The following ARHGAP28 variants were observed in gnomAD, a reference collection of about 807,000 sequenced individuals.
ARHGAP28 encodes the protein rho GTPase-activating protein 28.
A neutral mutation model predicts 90.7 loss-of-function variants in ARHGAP28; 56 were observed. The ratio of observed to expected loss-of-function variants is 0.62; its 90% CI spans 0.50 to 0.77. The LOEUF is 0.77. Ranked by LOEUF, ARHGAP28 falls within the 30% of genes least tolerant of loss-of-function variation. The pLI is 0.00. For missense variants in ARHGAP28, 869 were observed against 900.9 expected (o/e 0.96, Z 0.45); for synonymous variants, 308 against 323.3 (o/e 0.95, Z 0.51).
chr18:6,776,044 T>C (rs541415619), intron 1 of ARHGAP28, among the ~76,000 whole-genome samples: 52 of 152,304 alleles, frequency 3.4e-4, no homozygotes, highest in Middle Eastern at 3.4e-3. Context: ...TAGGAACTTT[T>C]ACAGATAAAG....
chr18:6,841,182 T>TCTCTCTCTCTCTCTCTC (rs2056815402), intron 3 of ARHGAP28, among the ~76,000 whole-genome samples: 1 of 44,234 alleles, frequency 2.3e-5, no homozygotes, highest in African/African-American at 1.5e-4. Context: ...CTCTCTCTCC[T>TCTCTCTCTCTCTCTCTC]CTCTCTCTCT....
intron 4 of ARHGAP28, among the ~76,000 whole-genome samples, chr18:6,853,950 C>T (rs1160284432): frequency 6.6e-6 from 1 of 152,138 alleles, no homozygotes; most frequent in African/African-American, 2.4e-5. Flanking sequence ...GTCAGGACAC[C>T]CTGAGACGGT....
intron 17 of ARHGAP28, among the ~76,000 whole-genome samples, chr18:6,910,122 T>C (rs1011424683): frequency 1.3e-5 from 2 of 152,190 alleles, no homozygotes; most frequent in African/African-American, 2.4e-5. Context: ...CCTCTTGTCA[T>C]GGTCACCAGA....
At chr18:6,871,914 A>G (rs2057092975) in intron 7 of ARHGAP28, among the ~76,000 whole-genome samples, 1 of 152,156 alleles carries the variant, frequency 6.6e-6, no homozygotes, top group Admixed American at 6.5e-5. Context: ...GATTACGTCC[A>G]TTTTACAGCT....
chr18:6,858,471 T>C (rs536420083), intron 4 of ARHGAP28, among the ~76,000 whole-genome samples: 49 of 152,324 alleles, frequency 3.2e-4, no homozygotes, highest in African/African-American at 1.0e-3. Context: ...AAGAAATATA[T>C]ATTTTTCTGC....
intron 1 of ARHGAP28, among the ~76,000 whole-genome samples, chr18:6,741,503 C>G (rs62082788): frequency 0.029 from 4,391 of 152,242 alleles, 99 homozygotes; most frequent in Non-Finnish European, 0.039. Flanking sequence ...TGATCCCACA[C>G]CAGCTAAAAT....
intron 3 of ARHGAP28, among the ~76,000 whole-genome samples, chr18:6,839,342 G>A (rs911242573): frequency 2.1e-5 from 3 of 145,772 alleles, no homozygotes; most frequent in East Asian, 2.0e-4. Flanking sequence ...CGCCCAGGCT[G>A]GAGTGCAGTG....
At chr18:6,825,616 C>G (rs1014158179) in intron 2 of ARHGAP28, among the ~76,000 whole-genome samples, 5 of 152,272 alleles carry the variant, frequency 3.3e-5, no homozygotes, top group Admixed American at 1.3e-4. Context: ...CTACCTCCCC[C>G]CTCTAGTAGT....
intron 1 of ARHGAP28, among the ~76,000 whole-genome samples, chr18:6,795,040 C>T (rs893376978): frequency 6.6e-6 from 1 of 152,234 alleles, no homozygotes; most frequent in African/African-American, 2.4e-5. Context: ...CAGATTTAAA[C>T]GGAGTTTCTG....
chr18:6,753,007 T>C (rs1377499789), intron 1 of ARHGAP28, among the ~76,000 whole-genome samples: 2 of 152,112 alleles, frequency 1.3e-5, no homozygotes, highest in African/African-American at 2.4e-5. Context: ...GAAGTATTAA[T>C]AGACCCTCAA....
At chr18:6,858,357 A>G (rs2143360146) in intron 4 of ARHGAP28, among the ~76,000 whole-genome samples, 1 of 151,960 alleles carries the variant, frequency 6.6e-6, no homozygotes, top group African/African-American at 2.4e-5. Context: ...AGAGATTTTT[A>G]TCTTATCAAA....
At chr18:6,907,759 G>C (rs1345529998) in intron 16 of ARHGAP28, among the ~76,000 whole-genome samples, 2 of 152,170 alleles carry the variant, frequency 1.3e-5, no homozygotes, top group Non-Finnish European at 2.9e-5. Context: ...TCAACATTCT[G>C]GTCATGATAC....
chr18:6,849,651 A>G (rs1489509969), intron 3 of ARHGAP28, among the ~76,000 whole-genome samples: 1 of 152,200 alleles, frequency 6.6e-6, no homozygotes, highest in Non-Finnish European at 1.5e-5. Flanking sequence ...TCCTACAGTA[A>G]TGTATAGCTA....
At chr18:6,867,444 T>G (rs1002375679) in intron 5 of ARHGAP28, among the ~76,000 whole-genome samples, 1 of 152,194 alleles carries the variant, frequency 6.6e-6, no homozygotes, top group Admixed American at 6.5e-5. Flanking sequence ...GATTTGCATG[T>G]AAATTGTTTT....
chr18:6,812,629 C>T (rs896671662), intron 1 of ARHGAP28, among the ~76,000 whole-genome samples: 1 of 149,912 alleles, frequency 6.7e-6, no homozygotes, highest in African/African-American at 2.5e-5. Flanking sequence ...AGACATATAG[C>T]TTTTCGTCTG....
At chr18:6,773,542 A>G (rs550706679) in intron 1 of ARHGAP28, among the ~76,000 whole-genome samples, 79 of 152,304 alleles carry the variant, frequency 5.2e-4, no homozygotes, top group African/African-American at 1.9e-3. Context: ...GCCCAAAGAG[A>G]ATCTGTGAAT....
intron 14 of ARHGAP28, among the ~76,000 whole-genome samples, chr18:6,893,872 T>TG (rs2143758035): frequency 6.7e-6 from 1 of 149,324 alleles, no homozygotes; most frequent in South Asian, 2.1e-4. Flanking sequence ...TTTTGGTTTT[T>TG]TTTTTTTTTT....
intron 3 of ARHGAP28, 139 bp downstream of exon 3, chr18:6,837,553 C>T (rs917583419): frequency 7.7e-6 from 5 of 649,446 alleles, no homozygotes; most frequent in African/African-American, 7.3e-5. Flanking sequence ...CTAAAGCAGA[C>T]AGCACAGTGC....
At position 6,788,002 on chromosome 18, in the gene ARHGAP28, A is replaced by C. The variant is rs545411927; in HGVS notation, c.123-36760A>C. On this transcript the variant is annotated intron_variant, in intron 1 of 17. Coordinates refer to ENST00000383472, the MANE Select transcript of ARHGAP28 (RefSeq NM_001366230.1). ...TAGTCAGAAAATACAGGTTGGCTTC[A>C]GTTTCTCCTGGCCTTGAGGCATCTG... Among the ~76,000 whole-genome samples, 4 of 152,310 alleles carry C rather than the reference A, an allele frequency of 2.6e-5. No homozygotes were observed. In the South Asian group the frequency reaches 8.3e-4, roughly 32 times the overall value.
Sources: gnomAD v4.1 joint callset for allele counts (sites outside exome capture counted in the v4.1 genomes callset) on GRCh38, gnomAD v4.1.1 for gene constraint, MANE v1.5 for transcripts, NCBI Gene and HGNC (gene_info 2026-07-23, HGNC 2026-07-21) for gene names.